The following ABCA13 variants were observed in gnomAD, a reference collection of about 807,000 sequenced individuals.
The protein encoded by ABCA13 is ATP-binding cassette sub-family A member 13.
ABCA13 carries 476 observed loss-of-function variants against 478.7 expected under a neutral mutation model. The observed-to-expected ratio is 0.99, with a 90% CI of 0.92 to 1.07. The LOEUF is 1.07. Among genes scored for constraint, ABCA13 ranks in the 50% least tolerant of loss-of-function variants. The probability of loss-of-function intolerance (pLI) is 0.00; values close to 1 mark genes in which losing one functional copy is unlikely to be tolerated. For missense variants in ABCA13, 6,060 were observed against 5,910.6 expected (o/e 1.03, Z -0.83); for synonymous variants, 2,252 against 2,158.9 (o/e 1.04, Z -1.20).
At chr7:48,210,529 C>A (rs551663946) in intron 3 of ABCA13, among the ~76,000 whole-genome samples, 1 of 151,746 alleles carries the variant, frequency 6.6e-6, no homozygotes, top group South Asian at 2.1e-4. Flanking sequence ...GGTTTTGGTA[C>A]GTTGTTTTTC....
chr7:48,645,064 G>A (rs1270447068), intron 61 of ABCA13, among the ~76,000 whole-genome samples: 10 of 152,196 alleles, frequency 6.6e-5, no homozygotes, highest in Non-Finnish European at 1.5e-4. Flanking sequence ...TTTCGGGGGG[G>A]CTTCACTGTA....
chr7:48,435,801 TG>T (rs2129152280), intron 42 of ABCA13, among the ~76,000 whole-genome samples: 1 of 151,710 alleles, frequency 6.6e-6, no homozygotes, highest in East Asian at 1.9e-4. Context: ...ATCCTTTTAA[TG>T]TGTGGTATTA....
At chr7:48,485,064 T>C (rs975644693) in intron 47 of ABCA13, among the ~76,000 whole-genome samples, 1 of 152,236 alleles carries the variant, frequency 6.6e-6, no homozygotes, top group Admixed American at 6.5e-5. Flanking sequence ...TTGTGTGACC[T>C]TTATGAGTTC....
At chr7:48,509,210 G>A (rs1158148628) in intron 50 of ABCA13, among the ~76,000 whole-genome samples, 1 of 152,148 alleles carries the variant, frequency 6.6e-6, no homozygotes, top group African/African-American at 2.4e-5. Context: ...TTTACTGAGG[G>A]ACACTTGAAG....
At chr7:48,250,355 C>T (rs111310429) in intron 15 of ABCA13, among the ~76,000 whole-genome samples, 2,180 of 152,234 alleles carry the variant, frequency 0.014, 21 homozygotes, top group Middle Eastern at 0.054. Context: ...ACTTCCATCC[C>T]TCTCTCCCCT....
intron 58 of ABCA13, among the ~76,000 whole-genome samples, chr7:48,596,532 T>C (rs1253299596): frequency 6.6e-6 from 1 of 152,184 alleles, no homozygotes; most frequent in African/African-American, 2.4e-5. Context: ...CATTTGAGGC[T>C]AGGTGCCGTG....
intron 42 of ABCA13, among the ~76,000 whole-genome samples, chr7:48,446,922 G>T (rs1824381806): frequency 6.6e-6 from 1 of 152,184 alleles, no homozygotes; most frequent in African/African-American, 2.4e-5. Flanking sequence ...AAAATAAAAT[G>T]GAATTGAAAT....
intron 59 of ABCA13, among the ~76,000 whole-genome samples, chr7:48,621,147 C>T (rs925221960): frequency 2.6e-5 from 4 of 152,096 alleles, no homozygotes; most frequent in Non-Finnish European, 5.9e-5. Context: ...CCACAGACAC[C>T]GAGGATGATT....
chr7:48,196,186 A>G (rs1562752105), intron 2 of ABCA13, among the ~76,000 whole-genome samples: 1 of 152,310 alleles, frequency 6.6e-6, no homozygotes, highest in African/African-American at 2.4e-5. Flanking sequence ...GTCCTGCCCT[A>G]TGGAAAGGGT....
Position 48,309,998 on chromosome 7 carries a change from A to G in ABCA13, c.9373A>G (p.Ile3125Val), listed in dbSNP as rs200031574. ...TCTGTCTGGAAAGTGTGATCAGGAA[A>G]TCCTTCATCTCCTGCTGACATTTCC... ...VALSGKCDQE[I>V]LHLLLTFPKG... Residue 3125 changes from isoleucine (I) to valine (V), a missense_variant, in exon 24 of 62, where the codon ATC becomes GTC. By Grantham distance (29) the Ile-to-Val change is conservative. This residue lies in a region of ABCA13 where 4,423 missense variants were observed against 4,309.1 expected (regional missense o/e 1.03). Coordinates refer to ENST00000435803, the MANE Select transcript of ABCA13 (RefSeq NM_152701.5). 9.9e-6 allele frequency: 16 copies of G among 1,613,828 alleles called. No individual in the cohort carries two copies. The highest frequency in any genetic ancestry group is 1.4e-5 in the Non-Finnish European group (16 of 1,179,854).
chr7:48,520,363 T>A, intron 53 of ABCA13, 69 bp downstream of exon 53: 3 of 1,477,326 alleles, frequency 2.0e-6, no homozygotes, highest in Non-Finnish European at 1.8e-6. Flanking sequence ...GAAAAATTCA[T>A]CCTGGAGGTT....
rs577691422 is a variant in ABCA13, at chr7:48,206,505, T to G, written c.287+8145T>G. 1.3e-3 allele frequency among the ~76,000 whole-genome samples: 195 copies of G among 152,314 alleles called. 5 individuals are homozygous for G. The South Asian group carries it at 0.039, about 30-fold the overall frequency. On this transcript the variant is annotated intron_variant, in intron 3 of 61. Coordinates refer to ENST00000435803, the MANE Select transcript of ABCA13 (RefSeq NM_152701.5). ...TAAGAATGCATTTCCCACAGTACAT[T>G]CTCTTCTTTAAGTGACAGATGACTA...
chr7:48,389,086 G>T lies in ABCA13; in HGVS notation c.11520G>T (p.Pro3840=), dbSNP rs1397905467. 1 of 1,613,742 alleles carries T rather than the reference G, an allele frequency of 6.2e-7. No homozygotes were observed. The highest frequency in any genetic ancestry group is 1.7e-5 in the Admixed American group (1 of 59,992). ...NREGELEGSA[P]GVTLVSVTKE... Reference sequence around the variant, plus strand: ...AAGGAGAGCTTGAAGGAAGTGCCCCGGGAGTCACCCTGGTGTCTGTGACCA... The same window carrying T: ...AAGGAGAGCTTGAAGGAAGTGCCCCTGGAGTCACCCTGGTGTCTGTGACCA... Residue 3840 remains proline, a synonymous_variant, in exon 37 of 62, where the codon CCG becomes CCT. Transcript: ENST00000435803.
intron 58 of ABCA13, among the ~76,000 whole-genome samples, chr7:48,612,547 A>G (rs1205355135): frequency 6.6e-6 from 1 of 152,190 alleles, no homozygotes; most frequent in African/African-American, 2.4e-5. Context: ...TCATTTTACC[A>G]TTGCTATACT....
chr7:48,262,046 C>G (rs1463303067), intron 15 of ABCA13, among the ~76,000 whole-genome samples: 1 of 151,854 alleles, frequency 6.6e-6, no homozygotes, highest in Non-Finnish European at 1.5e-5. Flanking sequence ...CTTGAAATAC[C>G]TGCTAACAAC....
At position 48,275,484 on chromosome 7, in the gene ABCA13, T is replaced by C. The variant is rs1421989933; in HGVS notation, c.5818T>C (p.Ser1940Pro). The change falls in exon 17 of 62, where the codon TCT (serine) becomes CCT (proline). Residue 1940 changes from serine (S) to proline (P), a missense_variant. Ser to Pro is a moderately conservative substitution (Grantham distance 74). This residue lies in a region of ABCA13 where 4,423 missense variants were observed against 4,309.1 expected (regional missense o/e 1.03). Transcript: ENST00000435803. Reference protein sequence around the residue: ...PSINQTRDSISELCPSGSIKQ... With the variant: ...PSINQTRDSIPELCPSGSIKQ... ...AATAAATCAAACTAGGGATAGCATC[T>C]CTGAACTCTGTCCTAGTGGTTCCAT... The C allele has an allele frequency of 1.9e-6, 3 of 1,613,792 alleles. No homozygotes were observed. The highest frequency in any genetic ancestry group is 2.5e-6 in the Non-Finnish European group (3 of 1,179,854).
At chr7:48,512,111 GAC>G (rs1311163385) in intron 51 of ABCA13, among the ~76,000 whole-genome samples, 1 of 151,910 alleles carries the variant, frequency 6.6e-6, no homozygotes, top group East Asian at 1.9e-4. Flanking sequence ...GAGGGAAAGA[GAC>G]ACTAAGAGAG....
At chr7:48,221,214 T>C in intron 4 of ABCA13, 67 bp from the exon 5 acceptor site, 1 of 792,312 alleles carries the variant, frequency 1.3e-6, no homozygotes, top group Non-Finnish European at 2.1e-6. Context: ...GAATTAAAAG[T>C]AGGCATTTAG....
intron 55 of ABCA13, among the ~76,000 whole-genome samples, chr7:48,552,109 T>C (rs1008164003): frequency 3.3e-5 from 5 of 151,892 alleles, no homozygotes; most frequent in African/African-American, 1.2e-4. Context: ...TTTAAGAAAA[T>C]AATTTTGGTT....
Sources: allele counts gnomAD v4.1 joint callset (sites outside exome capture counted in the v4.1 genomes callset), GRCh38; gene constraint gnomAD v4.1.1; regional missense constraint gnomAD v4.1.1; transcripts MANE v1.5; gene names NCBI Gene and HGNC (gene_info 2026-07-23, HGNC 2026-07-21).